IMMP2L: variants seen among roughly 807,000 people sequenced by gnomAD.
IMMP2L encodes inner mitochondrial membrane peptidase subunit 2.
A neutral mutation model predicts 19.3 loss-of-function variants in IMMP2L; 18 were observed. That is an observed-to-expected ratio of 0.93 (90% CI 0.64 to 1.38). The LOEUF (loss-of-function observed/expected upper bound fraction) is 1.38. Ranked by LOEUF, IMMP2L falls within the 40% of genes most tolerant of loss-of-function variation. IMMP2L has a pLI of 0.00. For missense variants in IMMP2L, 233 were observed against 218.2 expected, an observed-to-expected ratio of 1.07 and a Z score of -0.43; for synonymous variants, 76 against 73.0, an observed-to-expected ratio of 1.04 and a Z score of -0.21.
intron 2 of IMMP2L, among the ~76,000 whole-genome samples, chr7:111,504,443 A>T (rs1407516778): frequency 5.3e-5 from 8 of 151,706 alleles, no homozygotes; most frequent in African/African-American, 1.9e-4. Context: ...GCTACCAATG[A>T]CTTTCTTCAC....
chr7:110,944,350 G>T (rs1817019696), intron 4 of IMMP2L, among the ~76,000 whole-genome samples: 1 of 151,944 alleles, frequency 6.6e-6, no homozygotes, highest in South Asian at 2.1e-4. Flanking sequence ...GATGGATGGG[G>T]ATGGAGAAGG....
chr7:110,826,946 C>T (rs1364735854), intron 5 of IMMP2L, among the ~76,000 whole-genome samples: 1 of 151,670 alleles, frequency 6.6e-6, no homozygotes, highest in Non-Finnish European at 1.5e-5. Context: ...TTTCTCATGA[C>T]AGTATATGAT....
chr7:111,392,264 T>C (rs1832432629), intron 3 of IMMP2L, among the ~76,000 whole-genome samples: 1 of 152,118 alleles, frequency 6.6e-6, no homozygotes, highest in Non-Finnish European at 1.5e-5. Flanking sequence ...TTTCCTATTC[T>C]AGCCACATAT....
chr7:110,780,805 A>AAACCC (rs10651053), intron 5 of IMMP2L, among the ~76,000 whole-genome samples: 151,051 of 151,966 alleles, frequency 0.99, 75,077 homozygotes, highest in Middle Eastern at 1. Flanking sequence ...TGCCTTTGCT[A>AAACCC]CTCTACTTCC....
Position 110,670,696 on chromosome 7 carries a change from A to C in IMMP2L, c.409-6975T>G, listed in dbSNP as rs548032378. On this transcript the variant is annotated intron_variant, in intron 5 of 5. Coordinates refer to ENST00000405709, the MANE Select transcript of IMMP2L (RefSeq NM_032549.4). ...CAGAGCAAGACTCCGTCTCAAAAAA[A>C]AAAAAAAACAAAAAAAACAAAAAAA... Among the ~76,000 whole-genome samples, 19 of 151,566 alleles carry C rather than the reference A, an allele frequency of 1.3e-4. No homozygotes were observed. In the South Asian group the frequency reaches 2.1e-3, roughly 17 times the overall value.
intron 3 of IMMP2L, among the ~76,000 whole-genome samples, chr7:111,282,734 C>T (rs1820035855): frequency 6.6e-6 from 1 of 152,118 alleles, no homozygotes; most frequent in Admixed American, 6.6e-5. Flanking sequence ...CAGGCGTGAG[C>T]CACAATGCTA....
chr7:111,292,882 C>G (rs924250239), intron 3 of IMMP2L, among the ~76,000 whole-genome samples: 1 of 151,844 alleles, frequency 6.6e-6, no homozygotes, highest in Non-Finnish European at 1.5e-5. Context: ...TATGGAACAA[C>G]CATTATAACC....
chr7:111,380,580 A>G (rs1209045469), intron 3 of IMMP2L, among the ~76,000 whole-genome samples: 2 of 152,068 alleles, frequency 1.3e-5, no homozygotes, highest in Non-Finnish European at 2.9e-5. Flanking sequence ...ACTAACAGCT[A>G]TTCCCTAGGG....
chr7:110,988,951 CT>C (rs1822151705), intron 3 of IMMP2L, among the ~76,000 whole-genome samples: 1 of 152,018 alleles, frequency 6.6e-6, no homozygotes, highest in South Asian at 2.1e-4. Context: ...TTAATATGTT[CT>C]TTTGCCAGGT....
intron 5 of IMMP2L, among the ~76,000 whole-genome samples, chr7:110,766,581 TAAAAAAAA>T (rs772192515): frequency 2.1e-5 from 2 of 96,794 alleles, no homozygotes; most frequent in South Asian, 3.5e-4. Flanking sequence ...AGACTTCATT[TAAAAAAAA>T]AAAAAAAAAA....
In IMMP2L at chr7:110,870,506, G is replaced by A. The variant is rs989365283; in HGVS notation, c.408+16087C>T. Among the ~76,000 whole-genome samples, 2 of 152,070 alleles carry A rather than the reference G, an allele frequency of 1.3e-5. No individual in the cohort carries two copies. Among genetic ancestry groups the A allele is most frequent in the African/African-American group, 4.8e-5 (2 of 41,430 alleles). ...AGATAAAAATATAAACATGAATAAA[G>A]AAATAAAACAAGATAGTCATAGTAG... On this transcript the variant is annotated intron_variant, in intron 5 of 5. Transcript: ENST00000405709. The surrounding 1 kb of genome is among the most constrained non-coding windows in gnomAD (Gnocchi z 4.2).
At chr7:110,982,065 T>C (rs2129558200) in intron 3 of IMMP2L, among the ~76,000 whole-genome samples, 1 of 152,282 alleles carries the variant, frequency 6.6e-6, no homozygotes, top group Admixed American at 6.5e-5. Flanking sequence ...TTCAAAGACT[T>C]TTTAAATGTT....
At chr7:111,271,168 T>G (rs1007179887) in intron 3 of IMMP2L, among the ~76,000 whole-genome samples, 29 of 152,170 alleles carry the variant, frequency 1.9e-4, no homozygotes, top group African/African-American at 6.7e-4. Flanking sequence ...CCCTTTTGCT[T>G]GGCACTTCTC....
At chr7:110,935,510 G>A (rs1326497445) in intron 4 of IMMP2L, among the ~76,000 whole-genome samples, 1 of 152,018 alleles carries the variant, frequency 6.6e-6, no homozygotes, top group Non-Finnish European at 1.5e-5. Context: ...TCTTTGTGGT[G>A]TTCTCTGTAT....
chr7:110,874,711 A>G (rs1808889604), intron 5 of IMMP2L, among the ~76,000 whole-genome samples: 1 of 152,128 alleles, frequency 6.6e-6, no homozygotes. Flanking sequence ...TATAAAATAT[A>G]CTACTGTGAC....
intron 4 of IMMP2L, among the ~76,000 whole-genome samples, chr7:110,910,161 C>G (rs531062888): frequency 6.6e-6 from 1 of 151,966 alleles, no homozygotes; most frequent in Non-Finnish European, 1.5e-5. Flanking sequence ...TGGGATGAAG[C>G]GTGAAATACT....
chr7:111,256,648 G>A lies in IMMP2L; in HGVS notation c.239+230590C>T, dbSNP rs149278939. Among the ~76,000 whole-genome samples the A allele has an allele frequency of 4.6e-3, 697 of 152,084 alleles. 1 individual carries two copies. Among genetic ancestry groups the A allele is most frequent in the South Asian group, 6.8e-3 (33 of 4,828 alleles). ...CATAGAGGACCATGCTGCCTAGAGAGAAAAGTTCTTTTAAATCGAGTAAAA... is the reference window on the plus strand; with the variant it reads ...CATAGAGGACCATGCTGCCTAGAGAAAAAAGTTCTTTTAAATCGAGTAAAA... On this transcript the variant is annotated intron_variant, in intron 3 of 5. Coordinates refer to ENST00000405709, the MANE Select transcript of IMMP2L (RefSeq NM_032549.4).
intron 4 of IMMP2L, among the ~76,000 whole-genome samples, chr7:110,925,176 A>G (rs1347685263): frequency 6.6e-6 from 1 of 152,184 alleles, no homozygotes; most frequent in Non-Finnish European, 1.5e-5. Context: ...ATATGGATAT[A>G]GCTTTTATAT....
At chr7:111,420,982 A>T (rs1835458393) in intron 3 of IMMP2L, among the ~76,000 whole-genome samples, 1 of 151,836 alleles carries the variant, frequency 6.6e-6, no homozygotes, top group African/African-American at 2.4e-5. Flanking sequence ...GAATCACCAC[A>T]CTGTCTTCCA....
Sources: allele counts gnomAD v4.1 joint callset (sites outside exome capture counted in the v4.1 genomes callset), GRCh38; gene constraint gnomAD v4.1.1; non-coding constraint Gnocchi (gnomAD v3.1); transcripts MANE v1.5; gene names NCBI Gene and HGNC (gene_info 2026-07-23, HGNC 2026-07-21).